SMCHD1: variants seen among roughly 807,000 people sequenced by gnomAD.
The protein encoded by SMCHD1 is structural maintenance of chromosomes flexible hinge domain containing 1.
Under a neutral mutation model 254.7 loss-of-function variants are expected in SMCHD1, and 78 were observed. That is an observed-to-expected ratio of 0.31 (90% CI 0.26 to 0.37). The LOEUF (loss-of-function observed/expected upper bound fraction) is 0.37. Among genes scored for constraint, SMCHD1 ranks in the 10% least tolerant of loss-of-function variants. The pLI is 1.00. For synonymous variants in SMCHD1, 766 were observed against 794.9 expected, an observed-to-expected ratio of 0.96 and a Z score of 0.61; for missense variants, 1,840 against 2,408.1, an observed-to-expected ratio of 0.76 and a Z score of 4.94.
At position 2,796,401 on chromosome 18, in the gene SMCHD1, T is replaced by TCACAGGTATGACTCCCATACG. The variant is rs1282620693; in HGVS notation, c.5879-5_5894dup. 6.5e-7 allele frequency: 1 copy of TCACAGGTATGACTCCCATACG among 1,532,806 alleles called. No individual in the cohort carries two copies. Among genetic ancestry groups the TCACAGGTATGACTCCCATACG allele is most frequent in the Admixed American group, 2.1e-5 (1 of 47,742 alleles). 95.0% of individuals were successfully genotyped at this position (1,532,806 alleles called of 1,614,324 possible). On this transcript the variant is annotated splice_polypyrimidine_tract_variant and splice_region_variant and intron_variant, in intron 46 of 47. Transcript: ENST00000320876. ...ATTTAACTTTCTACATTTTCCATCT[T>TCACAGGTATGACTCCCATACG]CACAGGTATGACTCCCATACGTAAG...
chr18:2,700,536 T>C lies in SMCHD1; in HGVS notation c.1343-3T>C. 6.2e-7 allele frequency: 1 copy of C among 1,601,266 alleles called. No individual in the cohort carries two copies. The highest frequency in any genetic ancestry group is 1.3e-5 in the African/African-American group (1 of 74,320). On this transcript the variant is annotated splice_region_variant and splice_polypyrimidine_tract_variant and intron_variant, in intron 10 of 47. Coordinates refer to ENST00000320876, the MANE Select transcript of SMCHD1 (RefSeq NM_015295.3). ...TTTTGTTCCATTTGCCCTTTTGATC[T>C]AGAATTAAAAGATGAAGATGATGAA...
In SMCHD1 at chr18:2,802,719, C is replaced by G. The variant is rs2076386885; in HGVS notation, c.*167C>G. ...CGATTCAGATGGGACTGGAAACAAC[C>G]ATTCAATTTTATGAATCTTACTGGA... On this transcript the variant is annotated 3_prime_UTR_variant, in exon 48 of 48. Transcript: ENST00000320876. 2 of 510,684 alleles carry G rather than the reference C, an allele frequency of 3.9e-6. No individual in the cohort carries two copies. Among genetic ancestry groups the G allele is most frequent in the Non-Finnish European group, 3.4e-6 (1 of 293,184 alleles). The allele number at this position is 510,684 out of a possible 1,614,324, so 31.6% of individuals were successfully genotyped here.
chr18:2,678,197 GTCTTT>G (rs929709229), intron 5 of SMCHD1, among the ~76,000 whole-genome samples: 28 of 148,804 alleles, frequency 1.9e-4, no homozygotes, highest in African/African-American at 6.4e-4. Context: ...CATTTATACT[GTCTTT>G]TCTTTCTTTT....
intron 3 of SMCHD1, among the ~76,000 whole-genome samples, chr18:2,672,699 A>G (rs686888): frequency 0.034 from 5,103 of 152,310 alleles, 151 homozygotes; most frequent in African/African-American, 0.082. Context: ...CCAGTGATAA[A>G]TTGAATGTCA....
intron 5 of SMCHD1, among the ~76,000 whole-genome samples, chr18:2,682,003 G>C (rs1334835615): frequency 6.6e-6 from 1 of 152,146 alleles, no homozygotes; most frequent in Non-Finnish European, 1.5e-5. Flanking sequence ...ATGAGCTTTT[G>C]TTTTCTAATA....
chr18:2,716,046 C>T (rs1309603251), intron 17 of SMCHD1, among the ~76,000 whole-genome samples: 1 of 152,092 alleles, frequency 6.6e-6, no homozygotes, highest in Admixed American at 6.5e-5. Flanking sequence ...TTTGAATTTA[C>T]ATTTGTTGGG....
intron 34 of SMCHD1, among the ~76,000 whole-genome samples, chr18:2,756,902 A>G (rs1305642540): frequency 1.3e-5 from 2 of 151,416 alleles, no homozygotes; most frequent in Non-Finnish European, 2.9e-5. Context: ...TCTTGACACT[A>G]TTTGTACTCT....
intron 5 of SMCHD1, among the ~76,000 whole-genome samples, chr18:2,675,771 T>G (rs922817217): frequency 2.6e-5 from 4 of 152,320 alleles, no homozygotes; most frequent in Middle Eastern, 3.4e-3. Context: ...TTATATCAAC[T>G]GGAAGAGTAG....
chr18:2,771,678 AATT>A (rs370679168), intron 40 of SMCHD1, 60 bp downstream of exon 40: 6 of 1,310,454 alleles, frequency 4.6e-6, no homozygotes, highest in Non-Finnish European at 6.1e-6. Context: ...CAATTTTCTC[AATT>A]ATTCAGTTTT....
At chr18:2,789,761 TGAG>T (rs1015190759) in intron 45 of SMCHD1, among the ~76,000 whole-genome samples, 12 of 152,212 alleles carry the variant, frequency 7.9e-5, no homozygotes, top group Non-Finnish European at 1.6e-4. Context: ...CATCGTAAGT[TGAG>T]GAGCATCTGT....
rs186347834 is a variant in SMCHD1, at chr18:2,688,246, A to G, written c.639-148A>G. 2.3e-5 allele frequency: 14 copies of G among 611,322 alleles called. No homozygotes were observed. In the African/African-American group the frequency reaches 2.6e-4, roughly 11 times the overall value. 37.9% of individuals were successfully genotyped at this position (611,322 alleles called of 1,614,324 possible). On this transcript the variant is annotated intron_variant, in intron 5 of 47. Transcript: ENST00000320876. ...ACTACACTTTGAGATGCACTGGAGT[A>G]GATGTCTTGACACTGATTATTTCAC...
Position 2,751,380 on chromosome 18 carries a change from G to A in SMCHD1, c.4268G>A (p.Arg1423Gln). 3.2e-6 allele frequency: 5 copies of A among 1,562,074 alleles called. No homozygotes were observed. Among genetic ancestry groups the A allele is most frequent in the South Asian group, 2.4e-5 (2 of 82,864 alleles). The change falls in exon 33 of 48, where the codon CGA (arginine) becomes CAA (glutamine). Residue 1423 changes from arginine to glutamine, a missense_variant. Coordinates refer to ENST00000320876, the MANE Select transcript of SMCHD1 (RefSeq NM_015295.3). ...KMWKLSTSGNRPPANAETFSC... is the reference protein window; with the variant it reads ...KMWKLSTSGNQPPANAETFSC... ...TGGAAGCTGTCTACCAGTGGGAACCGACCCCCAGCAAATGTGAGTCATGGG... is the reference window on the plus strand; with the variant it reads ...TGGAAGCTGTCTACCAGTGGGAACCAACCCCCAGCAAATGTGAGTCATGGG...
intron 1 of SMCHD1, among the ~76,000 whole-genome samples, chr18:2,662,016 G>A (rs1269498834): frequency 2.8e-5 from 4 of 143,356 alleles, no homozygotes; most frequent in Admixed American, 2.0e-4. Context: ...AAAATTAGCC[G>A]GGCGCGGTGG....
intron 3 of SMCHD1, among the ~76,000 whole-genome samples, chr18:2,669,766 G>A (rs936245258): frequency 6.6e-6 from 1 of 152,220 alleles, no homozygotes; most frequent in Non-Finnish European, 1.5e-5. Context: ...CCTCTAGGAT[G>A]TCTAAAATGG....
In SMCHD1 at chr18:2,756,900, CTA is replaced by C. The variant is rs549681598; in HGVS notation, c.4347-3750_4347-3749del. Among the ~76,000 whole-genome samples, 361 of 152,280 alleles carry C rather than the reference CTA, an allele frequency of 2.4e-3. 1 individual carries two copies. The highest frequency in any genetic ancestry group is 8.0e-3 in the African/African-American group (331 of 41,562). Reference sequence around the variant, plus strand: ...GATCTGTGATCTCTCATTCTTGACACTATTTGTACTCTCTTGTGGCTTGATTA... The same window carrying C: ...GATCTGTGATCTCTCATTCTTGACACTTTGTACTCTCTTGTGGCTTGATTA... On this transcript the variant is annotated intron_variant, in intron 34 of 47. Coordinates refer to ENST00000320876, the MANE Select transcript of SMCHD1 (RefSeq NM_015295.3).
At chr18:2,754,648 A>G (rs1020365705) in intron 34 of SMCHD1, among the ~76,000 whole-genome samples, 4 of 152,170 alleles carry the variant, frequency 2.6e-5, no homozygotes, top group African/African-American at 7.2e-5. Flanking sequence ...AGCATAAACC[A>G]TATTAGTGCA....
chr18:2,801,860 AT>A (rs764572897), intron 47 of SMCHD1, among the ~76,000 whole-genome samples: 11 of 152,136 alleles, frequency 7.2e-5, no homozygotes, highest in Admixed American at 2.0e-4. Flanking sequence ...GTGTGAAAAA[AT>A]ATCTTAGAAT....
At chr18:2,667,200 G>C (rs760575172) in intron 3 of SMCHD1, among the ~76,000 whole-genome samples, 169 bp downstream of exon 3, 14 of 151,722 alleles carry the variant, frequency 9.2e-5, no homozygotes, top group African/African-American at 1.7e-4. Context: ...TCTTCTACCT[G>C]TGTCATCTTC....
intron 3 of SMCHD1, among the ~76,000 whole-genome samples, chr18:2,667,385 A>G (rs1487555474): frequency 1.3e-5 from 2 of 152,192 alleles, no homozygotes; most frequent in Non-Finnish European, 2.9e-5. Context: ...TTGCAAATAC[A>G]TATAGCTAGG....
Sources: allele counts gnomAD v4.1 joint callset (sites outside exome capture counted in the v4.1 genomes callset), GRCh38; gene constraint gnomAD v4.1.1; transcripts MANE v1.5; gene names NCBI Gene and HGNC (gene_info 2026-07-23, HGNC 2026-07-21).